Variants in NTRK2 observed in about 807,000 individuals in gnomAD.
NTRK2 encodes neurotrophic receptor tyrosine kinase 2.
A neutral mutation model predicts 94.5 loss-of-function variants in NTRK2; 13 were observed. That is an observed-to-expected ratio of 0.14 (90% CI 0.09 to 0.22). The LOEUF (loss-of-function observed/expected upper bound fraction) is 0.22, where lower values mean the gene tolerates loss of function less well. NTRK2 is among the 10% of genes least tolerant of loss of function. NTRK2 has a pLI of 1.00. For missense variants in NTRK2, 639 were observed against 1,071.2 expected, an observed-to-expected ratio of 0.60 and a Z score of 5.63; for synonymous variants, 372 against 407.4, an observed-to-expected ratio of 0.91 and a Z score of 1.05.
At position 85,024,955 on chromosome 9, in the gene NTRK2, G is replaced by A. The variant is rs565702330; in HGVS notation, c.*3518G>A. 4.7e-5 allele frequency: 11 copies of A among 233,022 alleles called. No homozygotes were observed. The South Asian group carries it at 7.2e-4, about 15-fold the overall frequency. 14.4% of individuals were successfully genotyped at this position (233,022 alleles called of 1,614,324 possible). ...TTTATACATATACAAATGCACATAC[G>A]TAGTGTGTTTGTGTGTTTATGTATA... On this transcript the variant is annotated 3_prime_UTR_variant, in exon 19 of 19. Transcript: ENST00000277120.
At chr9:84,917,506 T>C (rs551069291) in intron 14 of NTRK2, among the ~76,000 whole-genome samples, 76 of 152,220 alleles carry the variant, frequency 5.0e-4, no homozygotes, top group African/African-American at 1.7e-3. Context: ...GCTGAAGATA[T>C]CATGACAGTG....
chr9:84,866,937 G>A lies in NTRK2; in HGVS notation c.1445-306G>A, dbSNP rs10868233. Among the ~76,000 whole-genome samples, 17,381 of 152,174 alleles carry A rather than the reference G, an allele frequency of 0.11. 1,258 individuals are homozygous for A. Among genetic ancestry groups the A allele is most frequent in the East Asian group, 0.22 (1,137 of 5,166 alleles). Reference sequence around the variant, plus strand: ...CAATGTGGATGAATCTTAAAAACATGATGTTAAGTGAAGGAAGCCAGTTAC... The same window carrying A: ...CAATGTGGATGAATCTTAAAAACATAATGTTAAGTGAAGGAAGCCAGTTAC... On this transcript the variant is annotated intron_variant, in intron 13 of 18. Transcript: ENST00000277120.
intron 15 of NTRK2, among the ~76,000 whole-genome samples, chr9:84,946,039 G>T (rs776847037): frequency 1.3e-5 from 2 of 152,214 alleles, no homozygotes; most frequent in Non-Finnish European, 2.9e-5. Flanking sequence ...AAGCACCGAG[G>T]CCGTGATCTA....
At chr9:84,856,944 A>G (rs1178990983) in intron 12 of NTRK2, among the ~76,000 whole-genome samples, 2 of 152,308 alleles carry the variant, frequency 1.3e-5, no homozygotes, top group African/African-American at 4.8e-5. Context: ...TCTAAGCCTC[A>G]TATTTAATGT....
intron 17 of NTRK2, among the ~76,000 whole-genome samples, chr9:84,990,162 C>CG: frequency 1.3e-5 from 1 of 74,474 alleles, no homozygotes; most frequent in South Asian, 4.3e-4. Context: ...AATAGTCTCT[C>CG]AAAGGCCAGG....
chr9:84,884,766 T>C (rs966832146), intron 14 of NTRK2, among the ~76,000 whole-genome samples: 3 of 152,226 alleles, frequency 2.0e-5, no homozygotes, highest in African/African-American at 7.2e-5. Context: ...TTATGATGCT[T>C]GAACAATTTG....
intron 4 of NTRK2, among the ~76,000 whole-genome samples, chr9:84,706,527 G>GTTTTTTTTTT (rs71369141): frequency 8.1e-4 from 66 of 81,660 alleles, no homozygotes; most frequent in Non-Finnish European, 1.0e-3. Context: ...TTTTGTTTTT[G>GTTTTTTTTTT]TTTTTTTTTT....
At chr9:84,781,810 G>T (rs1480172241) in intron 12 of NTRK2, among the ~76,000 whole-genome samples, 1 of 151,958 alleles carries the variant, frequency 6.6e-6, no homozygotes. Context: ...AAATTGGGAG[G>T]GTCAAAACAT....
At chr9:84,927,206 A>G (rs548155609) in intron 14 of NTRK2, among the ~76,000 whole-genome samples, 2 of 152,328 alleles carry the variant, frequency 1.3e-5, no homozygotes, top group East Asian at 1.9e-4. Context: ...ATTATGACTT[A>G]AGTTTAATAA....
intron 14 of NTRK2, chr9:84,873,554 C>G: frequency 1.9e-6 from 2 of 1,054,996 alleles, no homozygotes; most frequent in Non-Finnish European, 2.3e-6. Flanking sequence ...CTTTTCAACT[C>G]CAAAGGAGAT....
intron 12 of NTRK2, among the ~76,000 whole-genome samples, chr9:84,837,527 C>T (rs1361088528): frequency 6.6e-6 from 1 of 152,148 alleles, no homozygotes; most frequent in Non-Finnish European, 1.5e-5. Flanking sequence ...CTTAGATAGA[C>T]CCTCAATGAA....
chr9:84,960,491 T>A (rs189270360), intron 17 of NTRK2, among the ~76,000 whole-genome samples: 43 of 152,320 alleles, frequency 2.8e-4, no homozygotes, highest in Non-Finnish European at 1.3e-4. Context: ...AAGAAATATT[T>A]TTATGTAATG....
At chr9:84,767,913 T>C (rs1564225126) in intron 12 of NTRK2, among the ~76,000 whole-genome samples, 1 of 152,238 alleles carries the variant, frequency 6.6e-6, no homozygotes, top group Non-Finnish European at 1.5e-5. Context: ...AAAATGCTTA[T>C]GGGTTAGCAA....
intron 2 of NTRK2, among the ~76,000 whole-genome samples, chr9:84,689,602 A>T (rs183382707): frequency 0.012 from 1,802 of 151,374 alleles, 15 homozygotes; most frequent in Non-Finnish European, 0.017. Flanking sequence ...TCCTTTTTTT[A>T]AAAAAAAGAA....
intron 14 of NTRK2, among the ~76,000 whole-genome samples, chr9:84,925,367 C>T (rs2077725807): frequency 6.6e-6 from 1 of 152,084 alleles, no homozygotes; most frequent in South Asian, 2.1e-4. Context: ...CTCCCGTTTC[C>T]CACAGGCTCG....
chr9:84,931,416 A>AAAG (rs1163649358), intron 14 of NTRK2, among the ~76,000 whole-genome samples: 23 of 147,818 alleles, frequency 1.6e-4, no homozygotes, highest in Non-Finnish European at 2.2e-4. Context: ...CAAAAAAAAA[A>AAAG]AGAGAGAGAG....
chr9:84,740,432 A>G (rs1340299239), intron 9 of NTRK2, among the ~76,000 whole-genome samples: 1 of 152,270 alleles, frequency 6.6e-6, no homozygotes, highest in Non-Finnish European at 1.5e-5. Context: ...TATGATTGAA[A>G]TTTACTGGAA....
intron 13 of NTRK2, among the ~76,000 whole-genome samples, chr9:84,862,394 C>T (rs1289149569): frequency 6.6e-6 from 1 of 152,156 alleles, no homozygotes; most frequent in African/African-American, 2.4e-5. Context: ...CATGACAGTC[C>T]TATAAGACAG....
chr9:84,794,320 G>A (rs56025503), intron 12 of NTRK2, among the ~76,000 whole-genome samples: 1,847 of 152,318 alleles, frequency 0.012, 35 homozygotes, highest in African/African-American at 0.043. Flanking sequence ...GTGGCCGTTG[G>A]TGCATTTGCT....
Sources: allele counts gnomAD v4.1 joint callset (sites outside exome capture counted in the v4.1 genomes callset), GRCh38; gene constraint gnomAD v4.1.1; transcripts MANE v1.5; gene names NCBI Gene and HGNC (gene_info 2026-07-23, HGNC 2026-07-21).